CLEC12B: variants seen among roughly 807,000 people sequenced by gnomAD.
The protein encoded by CLEC12B is macrophage antigen h.
CLEC12B carries 25 observed loss-of-function variants against 36.1 expected under a neutral mutation model. The ratio of observed to expected loss-of-function variants is 0.69; its 90% CI spans 0.50 to 0.97. The LOEUF (loss-of-function observed/expected upper bound fraction) is 0.97. Among genes scored for constraint, CLEC12B ranks in the 50% least tolerant of loss-of-function variants. The pLI is 0.00. For missense variants in CLEC12B, 325 were observed against 318.4 expected (o/e 1.02, Z -0.16); for synonymous variants, 110 against 108.5 (o/e 1.01, Z -0.09).
intron 3 of CLEC12B, among the ~76,000 whole-genome samples, chr12:10,015,010 T>C (rs1205792170): frequency 6.6e-6 from 1 of 152,204 alleles, no homozygotes; most frequent in East Asian, 1.9e-4. Flanking sequence ...ATCATGTTGC[T>C]CTGAAAGCTT....
intron 5 of CLEC12B, chr12:10,016,759 TTTTC>T: frequency 5.7e-6 from 1 of 175,986 alleles, no homozygotes; most frequent in Non-Finnish European, 1.1e-5. Context: ...AATATTTATC[TTTTC>T]TTTATGCTAG....
intron 1 of CLEC12B, among the ~76,000 whole-genome samples, chr12:10,011,725 T>G (rs1245789501): frequency 6.6e-6 from 1 of 152,236 alleles, no homozygotes; most frequent in Non-Finnish European, 1.5e-5. Flanking sequence ...TACTTTCTCC[T>G]GCCCTCTAGA....
intron 3 of CLEC12B, 138 bp from the exon 4 acceptor site, chr12:10,015,113 TC>T: frequency 1.3e-6 from 1 of 743,350 alleles, no homozygotes; most frequent in South Asian, 2.1e-5. Flanking sequence ...CACTTTTTTT[TC>T]AGAGGCTTCT....
chr12:10,014,850 C>T, intron 3 of CLEC12B, 109 bp downstream of exon 3: 2 of 719,148 alleles, frequency 2.8e-6, no homozygotes, highest in South Asian at 1.9e-5. Flanking sequence ...ATCCAGTGAA[C>T]CTTAATGATG....
chr12:10,010,198 TCTCACACA>T (rs1454224567), upstream of CLEC12B, among the ~76,000 whole-genome samples: 29 of 96,722 alleles, frequency 3.0e-4, no homozygotes, highest in Admixed American at 1.7e-3. Context: ...TCTGTCTCTC[TCTCACACA>T]CACACACACA....
At chr12:10,012,665 A>G in intron 1 of CLEC12B, 120 bp from the exon 2 acceptor site, 2 of 700,192 alleles carry the variant, frequency 2.9e-6, no homozygotes, top group South Asian at 1.9e-5. Context: ...TGAGGGCATT[A>G]AAGAAGCAAG....
chr12:10,013,296 A>G (rs2634166), intron 2 of CLEC12B: 183,458 of 200,980 alleles, frequency 0.91, 83,811 homozygotes, highest in East Asian at 0.97. Flanking sequence ...GCTTACATGA[A>G]ACTTCTCTAG....
chr12:10,013,056 TA>T, intron 2 of CLEC12B, 173 bp downstream of exon 2: 1 of 625,104 alleles, frequency 1.6e-6, no homozygotes, highest in South Asian at 1.8e-5. Flanking sequence ...CAAAAGACAT[TA>T]TCAGGATTTG....
intron 2 of CLEC12B, chr12:10,013,110 T>G (rs1346612448): frequency 7.7e-6 from 4 of 521,172 alleles, no homozygotes; most frequent in African/African-American, 2.0e-5. Flanking sequence ...AAACTGGACT[T>G]AGACAAAGAC....
chr12:10,012,768 C>A lies in CLEC12B; in HGVS notation c.92-17C>A. 6.2e-7 allele frequency: 1 copy of A among 1,605,384 alleles called. No individual in the cohort carries two copies. Among genetic ancestry groups the A allele is most frequent in the South Asian group, 1.1e-5 (1 of 90,828 alleles). ...AAAGCAGTTCTGTGTGCTGATTGCT[C>A]TTTTGGCTTTCTCCAGGGCATCCAG... On this transcript the variant is annotated splice_polypyrimidine_tract_variant and intron_variant, in intron 1 of 5. Transcript: ENST00000338896.
At chr12:10,010,200 T>TCTCACACACA (rs370060573), upstream of CLEC12B, among the ~76,000 whole-genome samples, 399 of 145,896 alleles carry the variant, frequency 2.7e-3, 3 homozygotes, top group African/African-American at 2.1e-3. Context: ...TGTCTCTCTC[T>TCTCACACACA]CACACACACA....
At chr12:10,017,758 C>G (rs1033108427) in intron 5 of CLEC12B, 4 of 877,998 alleles carry the variant, frequency 4.6e-6, no homozygotes, top group Admixed American at 6.2e-5. Flanking sequence ...GTATAATTTT[C>G]TAAAGACATT....
upstream of CLEC12B, among the ~76,000 whole-genome samples, chr12:10,008,346 T>C (rs1002803384): frequency 6.6e-6 from 1 of 152,202 alleles, no homozygotes; most frequent in African/African-American, 2.4e-5. Flanking sequence ...TGACTGATTT[T>C]TGTGTGTGAG....
In CLEC12B at chr12:10,015,416, A is replaced by G; in HGVS notation, c.564+10A>G. 1.2e-6 allele frequency: 2 copies of G among 1,608,384 alleles called. No homozygotes were observed. Among genetic ancestry groups the G allele is most frequent in the Non-Finnish European group, 1.7e-6 (2 of 1,177,658 alleles). ...CAGTTTGGAAGAAAAGGTAGGATTG[A>G]GTCTCATTCTCTAGTTATAGACATT... On this transcript the variant is annotated intron_variant, in intron 4 of 5. Coordinates refer to ENST00000338896, the MANE Select transcript of CLEC12B (RefSeq NM_001129998.3).
At chr12:10,013,960 T>C (rs1334952492) in intron 2 of CLEC12B, among the ~76,000 whole-genome samples, 1 of 152,230 alleles carries the variant, frequency 6.6e-6, no homozygotes, top group African/African-American at 2.4e-5. Flanking sequence ...ATTTCTTTTC[T>C]AAAATTTAGT....
Position 10,010,703 on chromosome 12 carries a change from A to G in CLEC12B, c.-57A>G. 3 of 1,155,764 alleles carry G rather than the reference A, an allele frequency of 2.6e-6. No homozygotes were observed. Among genetic ancestry groups the G allele is most frequent in the Non-Finnish European group, 3.8e-6 (3 of 783,416 alleles). 71.6% of individuals were successfully genotyped at this position (1,155,764 alleles called of 1,614,324 possible). On this transcript the variant is annotated 5_prime_UTR_variant, in exon 1 of 6. Transcript: ENST00000338896. ...GCCTTGAAAAACACATGCTGTTCCC[A>G]GGCCTCAAGATATTGAAACATTAAT...
intron 5 of CLEC12B, chr12:10,017,575 A>G: frequency 3.0e-6 from 3 of 985,536 alleles, no homozygotes; most frequent in Non-Finnish European, 3.6e-6. Flanking sequence ...TGTCAAACAC[A>G]GGTTAGAGAG....
upstream of CLEC12B, among the ~76,000 whole-genome samples, chr12:10,010,175 CTCTCTGTCTCTCTCTG>C (rs1271163972): frequency 8.5e-6 from 1 of 117,482 alleles, no homozygotes; most frequent in South Asian, 2.9e-4. Context: ...CTGTCTCTCT[CTCTCTGTCTCTCTCTG>C]TCTCTCTCTC....
upstream of CLEC12B, among the ~76,000 whole-genome samples, chr12:10,009,060 T>C (rs1865265417): frequency 6.6e-6 from 1 of 151,886 alleles, no homozygotes; most frequent in Non-Finnish European, 1.5e-5. Context: ...CCAATTGCGG[T>C]GAGGATTGAA....
Sources: gnomAD v4.1 joint callset for allele counts (sites outside exome capture counted in the v4.1 genomes callset) on GRCh38, gnomAD v4.1.1 for gene constraint, MANE v1.5 for transcripts, NCBI Gene and HGNC (gene_info 2026-07-23, HGNC 2026-07-21) for gene names.